Variants in SORBS2 observed in about 807,000 individuals in gnomAD.
SORBS2 encodes the protein sorbin and SH3 domain-containing protein 2.
A neutral mutation model predicts 97.7 loss-of-function variants in SORBS2; 46 were observed. That is an observed-to-expected ratio of 0.47 (90% CI 0.37 to 0.60). SORBS2 has a LOEUF of 0.60. SORBS2 is among the 20% of genes least tolerant of loss of function. The probability of loss-of-function intolerance (pLI) is 0.00; values close to 1 mark genes in which losing one functional copy is unlikely to be tolerated. For missense variants in SORBS2, 1,316 were observed against 1,282.3 expected (o/e 1.03, Z -0.40); for synonymous variants, 476 against 473.4 (o/e 1.01, Z -0.07).
chr4:185,849,179 C>CT lies in SORBS2; in HGVS notation c.-337-73814dup, dbSNP rs1023059690. Among the ~76,000 whole-genome samples, 57 of 152,168 alleles carry CT rather than the reference C, an allele frequency of 3.7e-4. 1 individual carries two copies. The highest frequency in any genetic ancestry group is 1.3e-3 in the African/African-American group (53 of 41,504). ...GGGCTCCATCAGACTGAAAGAGTAG[C>CT]TTTTTCCTGCTCAGGGTCTAATAAA... On this transcript the variant is annotated intron_variant, in intron 1 of 20. Coordinates refer to the SORBS2 transcript ENST00000284776.
At chr4:185,770,771 T>C (rs561422841) in intron 2 of SORBS2, among the ~76,000 whole-genome samples, 42 of 152,128 alleles carry the variant, frequency 2.8e-4, no homozygotes, top group Non-Finnish European at 5.9e-4. Flanking sequence ...ATAAATATTA[T>C]ATGGACTCCA....
intron 1 of SORBS2, among the ~76,000 whole-genome samples, chr4:185,923,596 G>C (rs1408562465): frequency 1.3e-5 from 2 of 149,698 alleles, no homozygotes; most frequent in African/African-American, 4.9e-5. Context: ...ACCGTGCCTG[G>C]CCAATTTTTC....
chr4:185,908,348 T>TATTTGTATAC (rs1561289871), intron 1 of SORBS2, among the ~76,000 whole-genome samples: 10 of 144,444 alleles, frequency 6.9e-5, no homozygotes, highest in African/African-American at 2.5e-4. Flanking sequence ...TATATATATA[T>TATTTGTATAC]ACACATATAT....
chr4:185,860,242 T>C (rs1393143781), intron 1 of SORBS2, among the ~76,000 whole-genome samples: 2 of 152,210 alleles, frequency 1.3e-5, no homozygotes, highest in African/African-American at 4.8e-5. Flanking sequence ...AGCTACTGGA[T>C]GAATAAGGTT....
At position 185,812,028 on chromosome 4, in the gene SORBS2, C is replaced by T. The variant is rs978519243; in HGVS notation, c.-337-36662G>A. On this transcript the variant is annotated intron_variant, in intron 1 of 20. The change creates a premature stop within an existing upstream ORF in the 5' untranslated region. Coordinates refer to the SORBS2 transcript ENST00000284776. ...TATGCAGCATTATCACTCTGCATTC[C>T]ACATTCTCCAATCAGCTAATTGGAA... is the stretch of plus-strand genomic sequence containing the variant. 3.3e-5 allele frequency: 5 copies of T among 152,222 alleles called. No homozygotes were observed. Among genetic ancestry groups the T allele is most frequent in the Non-Finnish European group, 4.4e-5 (3 of 68,046 alleles). The allele number at this position is 152,222 out of a possible 1,614,324, so 9.4% of individuals were successfully genotyped here.
At chr4:185,765,047 T>C (rs2098926316) in intron 2 of SORBS2, among the ~76,000 whole-genome samples, 1 of 152,152 alleles carries the variant, frequency 6.6e-6, no homozygotes, top group Non-Finnish European at 1.5e-5. Flanking sequence ...TCAGTTTTTT[T>C]TTCTGCACTG....
chr4:185,820,584 A>G (rs373154945), intron 1 of SORBS2, among the ~76,000 whole-genome samples: 3 of 152,320 alleles, frequency 2.0e-5, no homozygotes, highest in African/African-American at 7.2e-5. Context: ...GGACAGGGAC[A>G]GAGGCTAGGG....
intron 1 of SORBS2, among the ~76,000 whole-genome samples, chr4:185,907,469 G>T (rs192739594): frequency 2.6e-5 from 4 of 152,218 alleles, no homozygotes; most frequent in Admixed American, 6.5e-5. Flanking sequence ...TAATTGTCAT[G>T]TTTCCATTTT....
At chr4:185,666,804 T>C (rs1199845322) in intron 4 of SORBS2, among the ~76,000 whole-genome samples, 1 of 152,166 alleles carries the variant, frequency 6.6e-6, no homozygotes, top group East Asian at 1.9e-4. Flanking sequence ...GCAATGCAAA[T>C]AGAGGTACCA....
intron 2 of SORBS2, among the ~76,000 whole-genome samples, chr4:185,755,508 C>T (rs936182465): frequency 2.0e-5 from 3 of 152,224 alleles, no homozygotes; most frequent in Admixed American, 6.5e-5. Flanking sequence ...GTTTTCTACT[C>T]ATAAAATACA....
intron 1 of SORBS2, among the ~76,000 whole-genome samples, chr4:185,653,876 C>T (rs911964720): frequency 2.0e-5 from 3 of 152,152 alleles, no homozygotes; most frequent in African/African-American, 7.2e-5. Context: ...ACTAAACACA[C>T]CAGACGTTCC....
intron 1 of SORBS2, among the ~76,000 whole-genome samples, chr4:185,833,185 C>T (rs2153674036): frequency 6.6e-6 from 1 of 152,304 alleles, no homozygotes; most frequent in Admixed American, 6.5e-5. Flanking sequence ...CCCCATCTGA[C>T]TATAACTACC....
At chr4:185,911,108 G>A (rs2099254813) in intron 1 of SORBS2, among the ~76,000 whole-genome samples, 1 of 152,132 alleles carries the variant, frequency 6.6e-6, no homozygotes, top group Admixed American at 6.5e-5. Flanking sequence ...TAAGTAGCTT[G>A]TCCAAGTTTA....
chr4:185,653,410 T>G (rs1358246177), intron 1 of SORBS2, among the ~76,000 whole-genome samples: 1 of 152,216 alleles, frequency 6.6e-6, no homozygotes, highest in Non-Finnish European at 1.5e-5. Context: ...AGGGGAGCAG[T>G]AGGCTGTAGT....
At chr4:185,876,121 T>C in intron 1 of SORBS2, among the ~76,000 whole-genome samples, 1 of 152,160 alleles carries the variant, frequency 6.6e-6, no homozygotes, top group East Asian at 1.9e-4. Context: ...TTTTTTTGTT[T>C]TTTTTTGAGA....
intron 1 of SORBS2, among the ~76,000 whole-genome samples, chr4:185,876,304 AAC>A (rs2099233627): frequency 6.6e-6 from 1 of 152,016 alleles, no homozygotes; most frequent in Non-Finnish European, 1.5e-5. Context: ...GATGGAGTTT[AAC>A]TATATTGGCC....
rs1028740786 is a variant in SORBS2 at position 185,607,859 on chromosome 4, A to C, written c.2796+3921T>G. On this transcript the variant is annotated intron_variant, in intron 12 of 14. Coordinates refer to ENST00000418609, the Ensembl canonical transcript of SORBS2. This position sits in a 1 kb window ranked among gnomAD's most constrained non-coding sequence, Gnocchi z 5.2. ...ACAGGCGCATGTCACCAGTACAGCT[A>C]ATTTTTATATTTTTAGTAGAGACGG... 6.6e-6 allele frequency among the ~76,000 whole-genome samples: 1 copy of C among 151,808 alleles called. No homozygotes were observed. The highest frequency in any genetic ancestry group is 2.4e-5 in the African/African-American group (1 of 41,308).
intron 1 of SORBS2, among the ~76,000 whole-genome samples, chr4:185,838,193 G>T (rs1031586311): frequency 1.2e-4 from 19 of 152,246 alleles, no homozygotes; most frequent in Non-Finnish European, 2.4e-4. Context: ...CCCAGGCCTG[G>T]CTGGCCCCGC....
intron 1 of SORBS2, among the ~76,000 whole-genome samples, chr4:185,836,352 C>T (rs2099208060): frequency 6.6e-6 from 1 of 152,172 alleles, no homozygotes; most frequent in African/African-American, 2.4e-5. Context: ...TCTGCCATTG[C>T]TCTCATCAGA....
Sources: gnomAD v4.1 joint callset for allele counts (sites outside exome capture counted in the v4.1 genomes callset) on GRCh38, gnomAD v4.1.1 for gene constraint, Gnocchi (gnomAD v3.1) non-coding constraint, MANE v1.5 for transcripts, NCBI Gene and HGNC (gene_info 2026-07-23, HGNC 2026-07-21) for gene names.